Variants in ALDH3A1 observed in about 807,000 individuals in gnomAD.
ALDH3A1 encodes aldehyde dehydrogenase, dimeric NADP-preferring.
ALDH3A1 carries 46 observed loss-of-function variants against 49.9 expected under a neutral mutation model. That is an observed-to-expected ratio of 0.92 (90% CI 0.73 to 1.18). The LOEUF (loss-of-function observed/expected upper bound fraction) is 1.18, where lower values mean the gene tolerates loss of function less well. Among genes scored for constraint, ALDH3A1 ranks in the 50% most tolerant of loss-of-function variants. The pLI is 0.00. For missense variants in ALDH3A1, 592 were observed against 611.8 expected (o/e 0.97, Z 0.34); for synonymous variants, 269 against 253.3 (o/e 1.06, Z -0.59).
chr17:19,744,895 T>TGCCCCGCCCCCCCCCC, intron 2 of ALDH3A1, 73 bp downstream of exon 2: 1 of 924,174 alleles, frequency 1.1e-6, no homozygotes, highest in Non-Finnish European at 1.4e-6. Context: ...GGTCGCACTC[T>TGCCCCGCCCCCCCCCC]CCCCAGCCCC....
rs2152372497 is a variant in ALDH3A1, at chr17:19,738,037, A to G, written c.*184T>C. 8.5e-6 allele frequency: 13 copies of G among 1,521,212 alleles called. No individual in the cohort carries two copies. The South Asian group carries it at 1.4e-4, about 17-fold the overall frequency. 94.2% of individuals were successfully genotyped at this position (1,521,212 alleles called of 1,614,324 possible). On this transcript the variant is annotated 3_prime_UTR_variant, in exon 11 of 11. Coordinates refer to ENST00000225740, the MANE Select transcript of ALDH3A1 (RefSeq NM_000691.5). ...TCTTTATTGGTCTAGAAAGGGGTGG[A>G]GACTTGGAATGGTGAGGCCTGGGCC...
At position 19,738,207 on chromosome 17, in the gene ALDH3A1, G is replaced by A. The variant is rs146499259; in HGVS notation, c.*14C>T. 1.1e-4 allele frequency: 176 copies of A among 1,613,894 alleles called. 1 individual carries two copies. The African/African-American group carries it at 1.8e-3, about 16-fold the overall frequency. The stretch of plus-strand genomic sequence containing the variant: ...GGGACACAGTATGGCCAGGCCAGGC[G>A]GAGCAACCCCTCCTCAGTGCTGGGT... On this transcript the variant is annotated 3_prime_UTR_variant, in exon 11 of 11. Coordinates refer to ENST00000225740, the MANE Select transcript of ALDH3A1 (RefSeq NM_000691.5).
At chr17:19,739,884 T>G (rs904334230) in intron 7 of ALDH3A1, among the ~76,000 whole-genome samples, 2 of 152,130 alleles carry the variant, frequency 1.3e-5, no homozygotes, top group Non-Finnish European at 2.9e-5. Flanking sequence ...TAGGTTAACC[T>G]GTACGGAAGG....
intron 5 of ALDH3A1, 150 bp downstream of exon 5, chr17:19,741,854 T>G (rs2086498354): frequency 1.3e-6 from 1 of 779,016 alleles, no homozygotes; most frequent in African/African-American, 1.7e-5. Flanking sequence ...TCCCCACCCC[T>G]ACCCCCATGT....
chr17:19,744,390 G>A (rs763512340), intron 2 of ALDH3A1: 278 of 965,470 alleles, frequency 2.9e-4, no homozygotes, highest in Non-Finnish European at 3.4e-4. Flanking sequence ...GCGACAGAGC[G>A]AGACTCTGTC....
intron 8 of ALDH3A1, among the ~76,000 whole-genome samples, 195 bp from the exon 9 acceptor site, chr17:19,739,290 G>T (rs564521328): frequency 2.6e-5 from 4 of 152,220 alleles, no homozygotes; most frequent in Non-Finnish European, 5.9e-5. Flanking sequence ...GACAGCAGCC[G>T]CCCCCATGCC....
Position 19,743,225 on chromosome 17 carries a change from C to A in ALDH3A1, c.394+7G>T, listed in dbSNP as rs762768333. On this transcript the variant is annotated splice_region_variant and intron_variant, in intron 3 of 10. Coordinates refer to ENST00000225740, the MANE Select transcript of ALDH3A1 (RefSeq NM_000691.5). This position sits in a 1 kb window ranked among gnomAD's most constrained non-coding sequence, Gnocchi z 4.4. ...CCCCCAGCTTCCCTTCCCACAGGGC[C>A]ATGCACCTGCAGCGATGGCGCCCAC... 15 of 1,613,402 alleles carry A rather than the reference C, an allele frequency of 9.3e-6. No homozygotes were observed. Among genetic ancestry groups the A allele is most frequent in the Admixed American group, 1.7e-5 (1 of 59,978 alleles).
At chr17:19,742,438 T>C (rs2086513440) in intron 4 of ALDH3A1, 107 bp downstream of exon 4, 10 of 1,313,552 alleles carry the variant, frequency 7.6e-6, no homozygotes, top group East Asian at 4.6e-5. Context: ...GCCCCACCAG[T>C]AGCTTGGCCC....
Position 19,745,048 on chromosome 17 carries a change from G to T in ALDH3A1, c.82C>A (p.Gln28Lys). The change falls in exon 2 of 11, where the codon CAG becomes AAG. Residue 28 changes from glutamine to lysine, a missense_variant. By Grantham distance (53) the Gln-to-Lys change is moderately conservative. Transcript: ENST00000225740. ...AGGCGCTGCAGCGCCTCCAGCTGCT[G>T]GATCCGGAACTGCAGCGGACGGGTC... ...GRTRPLQFRI[Q>K]QLEALQRLIQ... is the part of the protein sequence containing the mutation. 1 of 1,598,012 alleles carries T rather than the reference G, an allele frequency of 6.3e-7. No homozygotes were observed.
chr17:19,742,697 C>G, intron 3 of ALDH3A1, 67 bp from the exon 4 acceptor site: 1 of 1,609,858 alleles, frequency 6.2e-7, no homozygotes, highest in Non-Finnish European at 8.5e-7. Context: ...CTCCCAAGGA[C>G]CACACCTGAA....
chr17:19,739,092 T>C lies in ALDH3A1; in HGVS notation c.1120A>G (p.Ile374Val), dbSNP rs377431592. 21 of 1,612,806 alleles carry C rather than the reference T, an allele frequency of 1.3e-5. No individual in the cohort carries two copies. Among genetic ancestry groups the C allele is most frequent in the Admixed American group, 1.7e-5 (1 of 59,936 alleles). The change falls in exon 9 of 11, where the codon ATT (isoleucine) becomes GTT (valine). Residue 374 changes from isoleucine (I) to valine (V), a missense_variant. Physicochemically the swap from Ile to Val is conservative, Grantham distance 29. Coordinates refer to ENST00000225740, the MANE Select transcript of ALDH3A1 (RefSeq NM_000691.5). ...LYMFSSNDKV[I>V]KKMIAETSSG... Reference sequence around the variant, plus strand: ...GATGTCTCTGCAATCATCTTCTTAATCACCTGCACCAGGACCCAGCCACTG... The same window carrying C: ...GATGTCTCTGCAATCATCTTCTTAACCACCTGCACCAGGACCCAGCCACTG...
At chr17:19,747,425 T>C (rs1397343019) in intron 1 of ALDH3A1, among the ~76,000 whole-genome samples, 1 of 152,030 alleles carries the variant, frequency 6.6e-6, no homozygotes, top group African/African-American at 2.4e-5. Flanking sequence ...GGAGAGAAGG[T>C]CCCGCTTCTC....
Position 19,740,175 on chromosome 17 carries a change from C to A in ALDH3A1, c.949+161G>T, listed in dbSNP as rs1567650645. ...AGGTTGAAGCAGGGGCTGTCCTCAG[C>A]CCCTGCCTGCTGGAGTCTACCGCAG... is the stretch of plus-strand genomic sequence containing the variant. On this transcript the variant is annotated intron_variant, in intron 7 of 10. Coordinates refer to ENST00000225740, the MANE Select transcript of ALDH3A1 (RefSeq NM_000691.5). 5.7e-6 allele frequency: 5 copies of A among 874,510 alleles called. No homozygotes were observed. In the South Asian group the frequency reaches 7.4e-5, roughly 13 times the overall value. 54.2% of individuals were successfully genotyped at this position (874,510 alleles called of 1,614,324 possible).
intron 5 of ALDH3A1, 114 bp from the exon 6 acceptor site, chr17:19,741,324 C>T: frequency 4.7e-6 from 4 of 851,304 alleles, no homozygotes; most frequent in Non-Finnish European, 7.7e-6. Flanking sequence ...ACCTTGCCAC[C>T]AGTGAGTCCT....
Position 19,743,782 on chromosome 17 carries a change from T to A in ALDH3A1, c.163-319A>T. 1 of 941,614 alleles carries A rather than the reference T, an allele frequency of 1.1e-6. No individual in the cohort carries two copies. Among genetic ancestry groups the A allele is most frequent in the East Asian group, 1.4e-4 (1 of 7,246 alleles). 58.3% of individuals were successfully genotyped at this position (941,614 alleles called of 1,614,324 possible). On this transcript the variant is annotated intron_variant, in intron 2 of 10. Coordinates refer to ENST00000225740, the MANE Select transcript of ALDH3A1 (RefSeq NM_000691.5). This position sits in a 1 kb window ranked among gnomAD's most constrained non-coding sequence, Gnocchi z 4.4. The stretch of plus-strand genomic sequence containing the variant: ...TAGAGCCGGGCAGGGGAGAGTAGAT[T>A]CAGGCAGTGGGAATGGATCCGGGGA...
At position 19,743,957 on chromosome 17, in the gene ALDH3A1, G is replaced by A. The variant is rs1192322238; in HGVS notation, c.163-494C>T. The A allele has an allele frequency of 4.1e-6, 4 of 985,254 alleles. No homozygotes were observed. Among genetic ancestry groups the A allele is most frequent in the Admixed American group, 6.1e-5 (1 of 16,268 alleles). 61.0% of individuals were successfully genotyped at this position (985,254 alleles called of 1,614,324 possible). On this transcript the variant is annotated intron_variant, in intron 2 of 10. Transcript: ENST00000225740. This position sits in a 1 kb window ranked among gnomAD's most constrained non-coding sequence, Gnocchi z 4.4. ...TCAGGGCCTCCTGTGGGGAGCAGGG[G>A]TGAGAAGAGGAGATGCAGACGGCGG...
intron 7 of ALDH3A1, 28 bp downstream of exon 7, chr17:19,740,308 T>G: frequency 1.2e-6 from 2 of 1,608,498 alleles, no homozygotes; most frequent in Non-Finnish European, 1.7e-6. Flanking sequence ...CCTGGGCAGG[T>G]GGGCTGTGCT....
intron 1 of ALDH3A1, among the ~76,000 whole-genome samples, chr17:19,746,628 T>TGC (rs2086598768): frequency 5.6e-5 from 8 of 144,144 alleles, no homozygotes; most frequent in Non-Finnish European, 1.0e-4. Flanking sequence ...TGTGTGCGTG[T>TGC]GTGTGTGTGC....
At chr17:19,747,226 C>T (rs1489980142) in intron 1 of ALDH3A1, among the ~76,000 whole-genome samples, 1 of 152,174 alleles carries the variant, frequency 6.6e-6, no homozygotes, top group Non-Finnish European at 1.5e-5. Context: ...CCTCTGCCTC[C>T]CCTCCCCATA....
Sources: allele counts gnomAD v4.1 joint callset (sites outside exome capture counted in the v4.1 genomes callset), GRCh38; gene constraint gnomAD v4.1.1; non-coding constraint Gnocchi (gnomAD v3.1); transcripts MANE v1.5; gene names NCBI Gene and HGNC (gene_info 2026-07-23, HGNC 2026-07-21).